Variants in UGT3A1 observed in about 807,000 individuals in gnomAD.
The protein encoded by UGT3A1 is UDP glycosyltransferase family 3 member A1.
UGT3A1 carries 40 observed loss-of-function variants against 37.6 expected under a neutral mutation model. The ratio of observed to expected loss-of-function variants is 1.06; its 90% CI spans 0.83 to 1.38. UGT3A1 has a LOEUF of 1.38. UGT3A1 is among the 40% of genes most tolerant of loss of function. The pLI is 0.00. For synonymous variants in UGT3A1, 256 were observed against 232.3 expected, an observed-to-expected ratio of 1.10 and a Z score of -0.93; for missense variants, 642 against 634.2, an observed-to-expected ratio of 1.01 and a Z score of -0.13.
At chr5:35,979,784 T>C (rs1277827275) in intron 2 of UGT3A1, among the ~76,000 whole-genome samples, 1 of 152,198 alleles carries the variant, frequency 6.6e-6, no homozygotes, top group Non-Finnish European at 1.5e-5. Context: ...TACCTGAGAC[T>C]GGGTAATTTA....
chr5:35,992,940 T>C (rs184918482), upstream of UGT3A1, among the ~76,000 whole-genome samples: 29 of 152,210 alleles, frequency 1.9e-4, no homozygotes, highest in Admixed American at 1.3e-3. Flanking sequence ...GGCTACAAGA[T>C]GGAAAGCTAC....
At chr5:35,971,937 C>T (rs1477063836) in intron 2 of UGT3A1, among the ~76,000 whole-genome samples, 1 of 152,088 alleles carries the variant, frequency 6.6e-6, no homozygotes, top group Non-Finnish European at 1.5e-5. Context: ...CATGACCCAC[C>T]ATGTAAGTGT....
chr5:35,972,024 A>C (rs1561463668), intron 2 of UGT3A1, among the ~76,000 whole-genome samples: 1 of 152,040 alleles, frequency 6.6e-6, no homozygotes, highest in African/African-American at 2.4e-5. Flanking sequence ...TCAGATCCCA[A>C]AGTAGTGATG....
rs774051069 is a variant in UGT3A1 at position 35,954,264 on chromosome 5, C to T, written c.1510G>A (p.Gly504Arg). Residue 504 changes from glycine to arginine, a missense_variant, in exon 7 of 7, where the codon GGG (glycine) becomes AGG (arginine). By Grantham distance (125) the Gly-to-Arg change is moderately radical. Coordinates refer to ENST00000274278, the MANE Select transcript of UGT3A1 (RefSeq NM_152404.4). The stretch of plus-strand genomic sequence containing the variant: ...CTGGCCACCACACCCAGCAGCTTCC[C>T]ACAAAGCCACATAGTGCCCAGAGTG... ...GLTLGTMWLC[G>R]KLLGVVARWL... 11 of 1,614,168 alleles carry T rather than the reference C, an allele frequency of 6.8e-6. No individual in the cohort carries two copies. Among genetic ancestry groups the T allele is most frequent in the Non-Finnish European group, 9.3e-6 (11 of 1,180,032 alleles).
At chr5:35,977,094 AAGAAAGAAAG>A (rs1411555925) in intron 2 of UGT3A1, among the ~76,000 whole-genome samples, 5,477 of 73,100 alleles carry the variant, frequency 0.075, 571 homozygotes, top group African/African-American at 0.19. Flanking sequence ...AAGAAAGAGA[AAGAAAGAAAG>A]AGAAAGAGAG....
chr5:35,975,929 T>A (rs1740250734), intron 2 of UGT3A1, among the ~76,000 whole-genome samples: 1 of 152,178 alleles, frequency 6.6e-6, no homozygotes, highest in Non-Finnish European at 1.5e-5. Context: ...AGACTATATA[T>A]GTGCTTAATC....
intron 3 of UGT3A1, among the ~76,000 whole-genome samples, chr5:35,967,259 T>C (rs1440703645): frequency 6.6e-6 from 1 of 152,180 alleles, no homozygotes; most frequent in African/African-American, 2.4e-5. Flanking sequence ...GTCTTCCAGC[T>C]TGAGTGAGGA....
At chr5:35,994,280 T>G (rs1741038347), upstream of UGT3A1, among the ~76,000 whole-genome samples, 1 of 152,154 alleles carries the variant, frequency 6.6e-6, no homozygotes, top group Non-Finnish European at 1.5e-5. Context: ...GTCATTATTG[T>G]TAGTTTTGCT....
chr5:35,985,629 G>A (rs1223112766), intron 2 of UGT3A1, among the ~76,000 whole-genome samples: 2 of 152,172 alleles, frequency 1.3e-5, no homozygotes, highest in Admixed American at 6.5e-5. Context: ...AATAAATGGT[G>A]CTGGAGAATC....
At chr5:35,972,111 C>T (rs1740067276) in intron 2 of UGT3A1, among the ~76,000 whole-genome samples, 1 of 152,024 alleles carries the variant, frequency 6.6e-6, no homozygotes, top group Admixed American at 6.6e-5. Context: ...GAGAAGGAAG[C>T]CATAAAACAG....
intron 1 of UGT3A1, among the ~76,000 whole-genome samples, chr5:35,989,375 G>C (rs1740849216): frequency 6.6e-6 from 1 of 152,156 alleles, no homozygotes; most frequent in Non-Finnish European, 1.5e-5. Context: ...CCCTTCACTG[G>C]AAGCTAAGGT....
chr5:35,954,365 T>C lies in UGT3A1; in HGVS notation c.1409A>G (p.His470Arg). 1 of 1,614,152 alleles carries C rather than the reference T, an allele frequency of 6.2e-7. No homozygotes were observed. The highest frequency in any genetic ancestry group is 8.5e-7 in the Non-Finnish European group (1 of 1,180,018). ...DHILQTGGAT[H>R]LKPYAFQQPW... ...CTGCTGGAAGGCATAGGGCTTGAGG[T>C]GCGTCGCTCCCCCAGTCTGGAGGAT... Residue 470 changes from histidine to arginine, a missense_variant, in exon 7 of 7, where the codon CAC becomes CGC. His to Arg is a conservative substitution (Grantham distance 29). Transcript: ENST00000274278.
Position 35,954,289 on chromosome 5 carries a change from G to A in UGT3A1, c.1485C>T (p.Leu495=), listed in dbSNP as rs377507437. ...LIDVFVFLLG[L]TLGTMWLCGK... The stretch of plus-strand genomic sequence containing the variant: ...CACAAAGCCACATAGTGCCCAGAGT[G>A]AGCCCCAGCAGAAACACAAAGACAT... Residue 495 remains leucine (L), a synonymous_variant, in exon 7 of 7, where the codon CTC becomes CTT. Transcript: ENST00000274278. The A allele has an allele frequency of 2.4e-5, 39 of 1,614,074 alleles. No individual in the cohort carries two copies. The Middle Eastern group carries it at 4.9e-4, about 20-fold the overall frequency.
chr5:35,955,884 G>T lies in UGT3A1; in HGVS notation c.1076-20C>A. The T allele has an allele frequency of 6.2e-7, 1 of 1,611,702 alleles. No homozygotes were observed. Among genetic ancestry groups the T allele is most frequent in the Non-Finnish European group, 8.5e-7 (1 of 1,177,938 alleles). On this transcript the variant is annotated intron_variant, in intron 5 of 6. Transcript: ENST00000274278. ...GGTGAGCTGTGGCAAATAAGAAAGA[G>T]AGTGGAACACTTCAGGATGAAAAAT...
At chr5:36,000,363 C>T (rs1741192326) in intron 1 of UGT3A1, among the ~76,000 whole-genome samples, 1 of 152,180 alleles carries the variant, frequency 6.6e-6, no homozygotes, top group South Asian at 2.1e-4. Context: ...ACAGTGTGCT[C>T]CCAGAAGATG....
intron 4 of UGT3A1, chr5:35,961,747 C>T (rs1739595246): frequency 6.6e-6 from 1 of 152,154 alleles, no homozygotes; most frequent in African/African-American, 2.4e-5. Flanking sequence ...ATTATCTGGT[C>T]CCAGGGCCCA....
intron 3 of UGT3A1, 73 bp from the exon 4 acceptor site, chr5:35,965,990 C>CA (rs1739795045): frequency 5.1e-6 from 6 of 1,185,394 alleles, no homozygotes; most frequent in Non-Finnish European, 4.5e-6. Flanking sequence ...ATGTTAGACT[C>CA]AAAAAAATAT....
At chr5:35,975,531 C>T (rs1231752458) in intron 2 of UGT3A1, among the ~76,000 whole-genome samples, 2 of 152,232 alleles carry the variant, frequency 1.3e-5, no homozygotes, top group African/African-American at 4.8e-5. Flanking sequence ...GAATTCTACA[C>T]AGCATTGACT....
At chr5:35,970,131 C>G (rs1739976910) in intron 2 of UGT3A1, among the ~76,000 whole-genome samples, 3 of 152,180 alleles carry the variant, frequency 2.0e-5, no homozygotes. Context: ...TGGCTCACTC[C>G]TGTAATCCCA....
Sources: gnomAD v4.1 joint callset for allele counts (sites outside exome capture counted in the v4.1 genomes callset) on GRCh38, gnomAD v4.1.1 for gene constraint, MANE v1.5 for transcripts, NCBI Gene and HGNC (gene_info 2026-07-23, HGNC 2026-07-21) for gene names.